The following CAST variants were observed in gnomAD, a reference collection of about 807,000 sequenced individuals.
The protein encoded by CAST is calpastatin.
In CAST, 76 loss-of-function variants were observed where a neutral mutation model predicts 119.6. That is an observed-to-expected ratio of 0.64 (90% CI 0.53 to 0.77). The LOEUF (loss-of-function observed/expected upper bound fraction) is 0.77, where lower values mean the gene tolerates loss of function less well. CAST is among the 30% of genes least tolerant of loss of function. CAST has a pLI of 0.00. For missense variants in CAST, 953 were observed against 946.5 expected (o/e 1.01, Z -0.09); for synonymous variants, 319 against 331.6 (o/e 0.96, Z 0.41).
the CAST span, among the ~76,000 whole-genome samples, chr5:96,325,934 G>A: frequency 2.0e-5 from 3 of 152,222 alleles, no homozygotes; most frequent in Non-Finnish European, 4.4e-5. Flanking sequence ...GATACATTAA[G>A]TCTCTCCACA....
chr5:96,668,358 A>G (rs543974148), intron 1 of CAST, among the ~76,000 whole-genome samples: 1 of 152,216 alleles, frequency 6.6e-6, no homozygotes, highest in African/African-American at 2.4e-5. Flanking sequence ...CTAAACAAAA[A>G]CTTAATCAGA....
At chr5:96,553,010 A>G (rs1229939145) in intron 1 of CAST, among the ~76,000 whole-genome samples, 2 of 152,210 alleles carry the variant, frequency 1.3e-5, no homozygotes, top group Non-Finnish European at 2.9e-5. Flanking sequence ...ATTCCTTCTG[A>G]AACTATTCTG....
intron 3 of CAST, among the ~76,000 whole-genome samples, chr5:96,713,606 A>G (rs1756627457): frequency 6.6e-6 from 1 of 152,208 alleles, no homozygotes; most frequent in African/African-American, 2.4e-5. Context: ...AAAATGCCAC[A>G]ATGTAAAATA....
the CAST span, among the ~76,000 whole-genome samples, chr5:96,346,293 G>A: frequency 3.9e-5 from 6 of 152,264 alleles, 1 homozygote; most frequent in South Asian, 1.0e-3. Flanking sequence ...CAGAGATCGT[G>A]ACTGCTGTTT....
chr5:96,169,901 G>A, the CAST span, among the ~76,000 whole-genome samples: 1 of 152,272 alleles, frequency 6.6e-6, no homozygotes, highest in Admixed American at 6.5e-5. Context: ...TAAAAGGAGT[G>A]CTTAAAAGAG....
chr5:96,091,207 T>TC, the CAST span, among the ~76,000 whole-genome samples: 2 of 136,558 alleles, frequency 1.5e-5, no homozygotes, highest in Non-Finnish European at 3.1e-5. Flanking sequence ...AATCTCTCTC[T>TC]TTTTTTTTTT....
chr5:96,557,764 T>C (rs564041710), intron 1 of CAST, among the ~76,000 whole-genome samples: 26 of 152,296 alleles, frequency 1.7e-4, no homozygotes, highest in Non-Finnish European at 2.9e-4. Flanking sequence ...TGGGAGACTT[T>C]AGCACACCAC....
chr5:96,671,351 G>T (rs1750040985), intron 1 of CAST, among the ~76,000 whole-genome samples: 1 of 152,130 alleles, frequency 6.6e-6, no homozygotes, highest in African/African-American at 2.4e-5. Flanking sequence ...ACAAGTTTTA[G>T]AATAGGAAGT....
At chr5:96,275,541 T>C in the CAST span, among the ~76,000 whole-genome samples, 1 of 152,226 alleles carries the variant, frequency 6.6e-6, no homozygotes, top group African/African-American at 2.4e-5. Context: ...GTGTAAGCTC[T>C]CATGTTTTCC....
At chr5:96,025,173 G>A in the CAST span, among the ~76,000 whole-genome samples, 1 of 152,072 alleles carries the variant, frequency 6.6e-6, no homozygotes, top group South Asian at 2.1e-4. Context: ...CGTAGGCTAG[G>A]GGGGTTTAAA....
chr5:96,425,044 GAAAGAAAGAAAGAAAGAA>G, the CAST span, among the ~76,000 whole-genome samples: 1 of 127,070 alleles, frequency 7.9e-6, no homozygotes, highest in African/African-American at 2.7e-5. Flanking sequence ...AAGAAAGAAA[GAAAGAAAGAAAGAAAGAA>G]AGAAAGAAAG....
intron 1 of CAST, among the ~76,000 whole-genome samples, chr5:96,653,859 GT>G (rs1338599729): frequency 1.3e-5 from 2 of 152,020 alleles, no homozygotes; most frequent in Non-Finnish European, 2.9e-5. Context: ...TATTTTTCTA[GT>G]GGTAGTTTTA....
chr5:96,703,086 C>G (rs2150322455), intron 3 of CAST, among the ~76,000 whole-genome samples: 1 of 152,292 alleles, frequency 6.6e-6, no homozygotes, highest in Middle Eastern at 3.4e-3. Flanking sequence ...ACCGTGCGTT[C>G]TGAGTTTAAC....
the CAST span, among the ~76,000 whole-genome samples, chr5:96,273,431 G>C: frequency 6.6e-6 from 1 of 152,190 alleles, no homozygotes; most frequent in Non-Finnish European, 1.5e-5. Context: ...AGAATATCTA[G>C]AGAATAGTAG....
the CAST span, among the ~76,000 whole-genome samples, chr5:96,044,378 A>G: frequency 6.6e-6 from 1 of 152,204 alleles, no homozygotes; most frequent in African/African-American, 2.4e-5. Context: ...TGCCCCTTCC[A>G]CCATATAAAG....
the CAST span, among the ~76,000 whole-genome samples, chr5:96,375,899 C>A: frequency 0.41 from 59,276 of 144,494 alleles, 13,558 homozygotes; most frequent in Non-Finnish European, 0.52. Context: ...CTCTCTCTCT[C>A]TATATATATA....
At chr5:96,737,058 C>T (rs1397902031) in intron 10 of CAST, among the ~76,000 whole-genome samples, 1 of 152,126 alleles carries the variant, frequency 6.6e-6, no homozygotes, top group Non-Finnish European at 1.5e-5. Flanking sequence ...CATGAGAACT[C>T]ACTCACTATC....
At chr5:96,095,499 T>TGCAGTGAG in the CAST span, among the ~76,000 whole-genome samples, 1 of 132,600 alleles carries the variant, frequency 7.5e-6, no homozygotes, top group Non-Finnish European at 1.5e-5. Context: ...AGTTCCAGGC[T>TGCAGTGAG]GCAGTGAGCT....
chr5:96,577,637 C>T (rs936720171), intron 1 of CAST, among the ~76,000 whole-genome samples: 3 of 151,952 alleles, frequency 2.0e-5, no homozygotes, highest in African/African-American at 2.4e-5. Context: ...CCCTGTTTGA[C>T]GTATGAAATA....
Sources: gnomAD v4.1 joint callset for allele counts (sites outside exome capture counted in the v4.1 genomes callset) on GRCh38, gnomAD v4.1.1 for gene constraint, MANE v1.5 for transcripts, NCBI Gene and HGNC (gene_info 2026-07-23, HGNC 2026-07-21) for gene names.